The following ETS1 variants were observed in gnomAD, a reference collection of about 807,000 sequenced individuals.
ETS1 encodes the protein ETS proto-oncogene 1, transcription factor.
ETS1 carries 15 observed loss-of-function variants against 58.6 expected under a neutral mutation model. The observed-to-expected ratio is 0.26, with a 90% CI of 0.17 to 0.39. ETS1 has a LOEUF of 0.39. ETS1 is among the 10% of genes least tolerant of loss of function. The pLI, the probability that ETS1 is intolerant of heterozygous loss-of-function variation, is 1.00. For missense variants in ETS1, 417 were observed against 610.5 expected, an observed-to-expected ratio of 0.68 and a Z score of 3.34; for synonymous variants, 214 against 218.2, an observed-to-expected ratio of 0.98 and a Z score of 0.17.
At chr11:128,555,599 G>T (rs969128719) in intron 3 of ETS1, among the ~76,000 whole-genome samples, 1 of 151,936 alleles carries the variant, frequency 6.6e-6, no homozygotes, top group African/African-American at 2.4e-5. Flanking sequence ...CAAATTTAAT[G>T]GTTTTTGTTT....
At chr11:128,470,310 A>G (rs1862151536) in intron 8 of ETS1, among the ~76,000 whole-genome samples, 1 of 152,234 alleles carries the variant, frequency 6.6e-6, no homozygotes, top group Non-Finnish European at 1.5e-5. Flanking sequence ...ACGGCATCCT[A>G]TAAAATTAAA....
At chr11:128,516,503 G>A (rs993707445) in intron 3 of ETS1, among the ~76,000 whole-genome samples, 9 of 152,326 alleles carry the variant, frequency 5.9e-5, no homozygotes, top group African/African-American at 1.7e-4. Flanking sequence ...TGCGGTGACA[G>A]TGTGGGCCCA....
intron 3 of ETS1, among the ~76,000 whole-genome samples, chr11:128,538,200 G>A (rs1863999028): frequency 6.6e-6 from 1 of 152,092 alleles, no homozygotes; most frequent in African/African-American, 2.4e-5. Context: ...ATTAATAAAA[G>A]TATGATGAAA....
intron 2 of ETS1, among the ~76,000 whole-genome samples, chr11:128,570,423 G>A (rs1359255515): frequency 6.6e-6 from 1 of 151,752 alleles, no homozygotes; most frequent in Non-Finnish European, 1.5e-5. Flanking sequence ...TGTATTTTTA[G>A]CAGAGACTGG....
At chr11:128,567,645 T>TGTTTTTG (rs1555089629) in intron 2 of ETS1, among the ~76,000 whole-genome samples, 3 of 150,688 alleles carry the variant, frequency 2.0e-5, no homozygotes, top group Non-Finnish European at 4.4e-5. Flanking sequence ...TTTTTGTTTT[T>TGTTTTTG]GTTTTGAGAC....
At chr11:128,516,549 T>C (rs1863529593) in intron 3 of ETS1, among the ~76,000 whole-genome samples, 1 of 152,166 alleles carries the variant, frequency 6.6e-6, no homozygotes, top group Non-Finnish European at 1.5e-5. Context: ...CTCCCCATAA[T>C]GCAGTAATAA....
In ETS1 at chr11:128,490,460, T is replaced by C; in HGVS notation, c.331A>G (p.Lys111Glu). The C allele has an allele frequency of 1.9e-6, 3 of 1,614,082 alleles. No homozygotes were observed. Among genetic ancestry groups the C allele is most frequent in the Non-Finnish European group, 2.5e-6 (3 of 1,179,944 alleles). ...TTTTCCAACTACAAAACCATACCTT[T>C]TGGGATCCCCAGTCGTTGCTGTTCT... ...TKEQQRLGIP[K>E]DPRQWTETHV... Residue 111 changes from lysine (K) to glutamate (E), a missense_variant, in exon 4 of 10, where the codon AAA becomes GAA. Lys to Glu is a moderately conservative substitution (Grantham distance 56). Around this residue, in one of 4 missense-constraint regions of ETS1, gnomAD observed 132 missense variants for 212.1 expected, o/e 0.62. Transcript: ENST00000392668.
At chr11:128,561,496 G>C (rs12283007) in intron 2 of ETS1, among the ~76,000 whole-genome samples, 5 of 152,190 alleles carry the variant, frequency 3.3e-5, no homozygotes, top group Admixed American at 3.3e-4. Flanking sequence ...TATTCAACTT[G>C]ATTACTGAGT....
intron 4 of ETS1, among the ~76,000 whole-genome samples, 196 bp downstream of exon 4, chr11:128,490,261 T>C (rs1862759983): frequency 6.6e-6 from 1 of 152,156 alleles, no homozygotes; most frequent in African/African-American, 2.4e-5. Flanking sequence ...CATACCAAGA[T>C]GGCAAGAACA....
chr11:128,548,492 G>A (rs985593409), intron 3 of ETS1, among the ~76,000 whole-genome samples: 1 of 152,178 alleles, frequency 6.6e-6, no homozygotes. Flanking sequence ...GCCCTACCCA[G>A]CTCTCTTGAT....
At position 128,461,966 on chromosome 11, in the gene ETS1, C is replaced by T. The variant is rs1307276948; in HGVS notation, c.*395G>A. The T allele has an allele frequency of 1.2e-5, 2 of 161,776 alleles. No individual in the cohort carries two copies. Among genetic ancestry groups the T allele is most frequent in the African/African-American group, 4.8e-5 (2 of 41,658 alleles). The allele number at this position is 161,776 out of a possible 1,614,324, so 10.0% of individuals were successfully genotyped here. On this transcript the variant is annotated 3_prime_UTR_variant, in exon 10 of 10. Coordinates refer to ENST00000392668, the MANE Select transcript of ETS1 (RefSeq NM_001143820.2). ...CCTAAAAACAGAAGCAAATTAATTG[C>T]CTTACATCAGTTTCATGAGTTCTGA...
rs190228642 is a variant in ETS1, at chr11:128,514,518, A to C, written c.215-23942T>G. Among the ~76,000 whole-genome samples, 4 of 152,294 alleles carry C rather than the reference A, an allele frequency of 2.6e-5. No homozygotes were observed. In the East Asian group the frequency reaches 7.7e-4, roughly 29 times the overall value. On this transcript the variant is annotated intron_variant, in intron 3 of 9. Transcript: ENST00000392668. ...TTCCCTGTTCTTACACCTCCTTCAA[A>C]TGCTTCAGAAGTGCCCCTGTTTCCC...
chr11:128,493,441 T>C (rs1862854958), intron 3 of ETS1, among the ~76,000 whole-genome samples: 6 of 152,172 alleles, frequency 3.9e-5, no homozygotes, highest in Admixed American at 3.9e-4. Context: ...TCCACCTCAA[T>C]GCCATCTCCA....
At chr11:128,582,616 G>T (rs1376548127) in intron 1 of ETS1, among the ~76,000 whole-genome samples, 1 of 152,118 alleles carries the variant, frequency 6.6e-6, no homozygotes, top group Non-Finnish European at 1.5e-5. Context: ...TTGTATTCAA[G>T]TCATGAAAAC....
At chr11:128,500,140 G>C (rs1309655546) in intron 3 of ETS1, among the ~76,000 whole-genome samples, 1 of 152,144 alleles carries the variant, frequency 6.6e-6, no homozygotes, top group African/African-American at 2.4e-5. Context: ...TGGCCATGGG[G>C]GTAGCCGCCA....
chr11:128,506,611 TC>T (rs1863242048), intron 3 of ETS1, among the ~76,000 whole-genome samples: 1 of 151,996 alleles, frequency 6.6e-6, no homozygotes, highest in South Asian at 2.1e-4. Context: ...GGGCAAGGTG[TC>T]CAGGATGGCG....
intron 3 of ETS1, among the ~76,000 whole-genome samples, chr11:128,498,334 C>T (rs1342048372): frequency 6.6e-6 from 1 of 152,128 alleles, no homozygotes; most frequent in Non-Finnish European, 1.5e-5. Context: ...AAATAAGCGA[C>T]TGAGAAAATA....
intron 8 of ETS1, among the ~76,000 whole-genome samples, chr11:128,470,599 A>G (rs1442422101): frequency 1.3e-5 from 2 of 152,314 alleles, no homozygotes; most frequent in Non-Finnish European, 2.9e-5. Flanking sequence ...GAGCAACTGA[A>G]TATACAATAA....
At chr11:128,558,156 C>T (rs559154594) in intron 2 of ETS1, among the ~76,000 whole-genome samples, 1 of 152,304 alleles carries the variant, frequency 6.6e-6, no homozygotes, top group East Asian at 1.9e-4. Flanking sequence ...ATTAAAGGTA[C>T]TGAGGATGTA....
Sources: allele counts gnomAD v4.1 joint callset (sites outside exome capture counted in the v4.1 genomes callset), GRCh38; gene constraint gnomAD v4.1.1; regional missense constraint gnomAD v4.1.1; transcripts MANE v1.5; gene names NCBI Gene and HGNC (gene_info 2026-07-23, HGNC 2026-07-21).